The following CDC73 variants were observed in gnomAD, a reference collection of about 807,000 sequenced individuals.
CDC73 encodes the protein parafibromin.
CDC73 carries 21 observed loss-of-function variants against 83.7 expected under a neutral mutation model. That is an observed-to-expected ratio of 0.25 (90% confidence interval 0.18 to 0.36). CDC73 has a LOEUF of 0.36. Ranked by LOEUF, CDC73 falls within the 10% of genes least tolerant of loss-of-function variation. The pLI is 1.00. For missense variants in CDC73, 342 were observed against 653.3 expected (o/e 0.52, Z 5.19); for synonymous variants, 224 against 212.9 (o/e 1.05, Z -0.45).
chr1:193,182,921 T>A (rs1007258978), intron 10 of CDC73, among the ~76,000 whole-genome samples: 4 of 152,088 alleles, frequency 2.6e-5, no homozygotes, highest in Non-Finnish European at 4.4e-5. Flanking sequence ...GAAAATTACT[T>A]CTTTAAGCAA....
intron 13 of CDC73, among the ~76,000 whole-genome samples, chr1:193,217,132 T>C (rs114822465): frequency 0.044 from 6,626 of 152,186 alleles, 140 homozygotes; most frequent in African/African-American, 0.051. Context: ...TGTGGCTTGC[T>C]TCTTCAATAC....
chr1:193,245,285 C>A (rs910961355), intron 15 of CDC73, among the ~76,000 whole-genome samples: 9 of 152,184 alleles, frequency 5.9e-5, no homozygotes, highest in African/African-American at 2.2e-4. Context: ...ACCCCCTACT[C>A]TTCCCAGCCA....
At chr1:193,249,894 C>T (rs1678018984) in intron 16 of CDC73, 23 bp downstream of exon 16, 1 of 1,608,812 alleles carries the variant, frequency 6.2e-7, no homozygotes, top group Non-Finnish European at 8.5e-7. Flanking sequence ...CTAAAATATG[C>T]TTGTGTGTGT....
intron 10 of CDC73, among the ~76,000 whole-genome samples, chr1:193,191,848 A>T (rs1676924195): frequency 6.6e-6 from 1 of 152,166 alleles, no homozygotes; most frequent in South Asian, 2.1e-4. Context: ...TAAAGTAAAT[A>T]TAAAGGGCAT....
At chr1:193,218,460 G>C (rs916880551) in intron 13 of CDC73, among the ~76,000 whole-genome samples, 1 of 152,074 alleles carries the variant, frequency 6.6e-6, no homozygotes, top group African/African-American at 2.4e-5. Context: ...AATAGCCAAA[G>C]CATCCTAAGC....
intron 10 of CDC73, chr1:193,181,114 C>T (rs1290848102): frequency 6.2e-7 from 1 of 1,613,994 alleles, no homozygotes; most frequent in Non-Finnish European, 8.5e-7. Flanking sequence ...TAAAAAAGGA[C>T]TTTTCTCTTG....
At chr1:193,192,423 A>G (rs1352216856) in intron 10 of CDC73, among the ~76,000 whole-genome samples, 1 of 152,226 alleles carries the variant, frequency 6.6e-6, no homozygotes, top group East Asian at 1.9e-4. Context: ...AGCCTGGGCG[A>G]CAGAGTGAGA....
intron 10 of CDC73, among the ~76,000 whole-genome samples, chr1:193,199,125 A>C (rs1677048514): frequency 6.6e-6 from 1 of 152,182 alleles, no homozygotes; most frequent in African/African-American, 2.4e-5. Context: ...CATATACCTC[A>C]AGGTTATAAG....
At chr1:193,124,123 C>T (rs1675519914) in intron 1 of CDC73, among the ~76,000 whole-genome samples, 1 of 152,138 alleles carries the variant, frequency 6.6e-6, no homozygotes, top group Admixed American at 6.5e-5. Context: ...CCAGTGAAGC[C>T]AGTGAAAAAG....
intron 10 of CDC73, among the ~76,000 whole-genome samples, chr1:193,166,978 C>A (rs915094534): frequency 1.3e-5 from 2 of 152,038 alleles, no homozygotes; most frequent in African/African-American, 4.8e-5. Context: ...AATTGAAGTT[C>A]CAAGTTAGTG....
At chr1:193,136,487 TA>T in intron 5 of CDC73, 1 of 288,132 alleles carries the variant, frequency 3.5e-6, no homozygotes, top group Non-Finnish European at 8.1e-6. Context: ...TTATATGTAT[TA>T]ACTCATGTAA....
chr1:193,162,703 A>G lies in CDC73; in HGVS notation c.972+10259A>G, dbSNP rs553327244. On this transcript the variant is annotated intron_variant, in intron 10 of 16. Coordinates refer to ENST00000367435, the MANE Select transcript of CDC73 (RefSeq NM_024529.5). ...TTTTTACACATTACAATTAAAATTG[A>G]TTCAGTCTTTTATCATCCTCTACAG... Among the ~76,000 whole-genome samples the G allele has an allele frequency of 1.3e-5, 2 of 152,186 alleles. 1 individual carries two copies. Among genetic ancestry groups the G allele is most frequent in the African/African-American group, 4.8e-5 (2 of 41,534 alleles).
At chr1:193,206,743 T>G (rs1008121322) in intron 11 of CDC73, among the ~76,000 whole-genome samples, 2 of 152,310 alleles carry the variant, frequency 1.3e-5, no homozygotes, top group South Asian at 4.1e-4. Flanking sequence ...TCTCTTTGAG[T>G]GAGATACCTC....
At chr1:193,125,039 T>C (rs553714335) in intron 1 of CDC73, 73 bp from the exon 2 acceptor site, 16 of 808,252 alleles carry the variant, frequency 2.0e-5, no homozygotes, top group Non-Finnish European at 3.6e-5. Flanking sequence ...CAAAGTTGTT[T>C]ATATAAATGA....
Position 193,203,707 on chromosome 1 carries a change from G to A in CDC73, c.973-88G>A, listed in dbSNP as rs948262357. 2.5e-5 allele frequency: 26 copies of A among 1,045,842 alleles called. No individual in the cohort carries two copies. The African/African-American group carries it at 4.0e-4, about 16-fold the overall frequency. 64.8% of individuals were successfully genotyped at this position (1,045,842 alleles called of 1,614,324 possible). Reference sequence around the variant, plus strand: ...AGTGAGAAAAACAGAACAAGAGACAGAGAGATATGAGATTTCTTTGGAATA... The same window carrying A: ...AGTGAGAAAAACAGAACAAGAGACAAAGAGATATGAGATTTCTTTGGAATA... On this transcript the variant is annotated intron_variant, in intron 10 of 16. Coordinates refer to ENST00000367435, the MANE Select transcript of CDC73 (RefSeq NM_024529.5).
rs546833555 is a variant in CDC73 at position 193,126,804 on chromosome 1, A to G, written c.237+1587A>G. On this transcript the variant is annotated intron_variant, in intron 2 of 16. Coordinates refer to ENST00000367435, the MANE Select transcript of CDC73 (RefSeq NM_024529.5). ...AGTTCTTAAAACAATTTTTTAAAAT[A>G]TCACTGTGTCTGTCATCACTGGAGC... Among the ~76,000 whole-genome samples, 4 of 152,314 alleles carry G rather than the reference A, an allele frequency of 2.6e-5. No individual in the cohort carries two copies. The South Asian group carries it at 8.3e-4, about 32-fold the overall frequency.
At chr1:193,167,267 A>G (rs1470652054) in intron 10 of CDC73, among the ~76,000 whole-genome samples, 1 of 152,176 alleles carries the variant, frequency 6.6e-6, no homozygotes, top group African/African-American at 2.4e-5. Flanking sequence ...GTTGTACTTC[A>G]TTAGTGTTTT....
chr1:193,243,533 GT>G (rs1239361094), intron 15 of CDC73, among the ~76,000 whole-genome samples: 2 of 152,158 alleles, frequency 1.3e-5, no homozygotes, highest in Non-Finnish European at 2.9e-5. Context: ...TATGGCTTCA[GT>G]TTGATCATTT....
intron 13 of CDC73, among the ~76,000 whole-genome samples, chr1:193,222,273 G>C (rs1294022326): frequency 6.6e-6 from 1 of 152,156 alleles, no homozygotes; most frequent in Non-Finnish European, 1.5e-5. Flanking sequence ...AAGGAGCTCA[G>C]ACGCTATGTA....
Sources: gnomAD v4.1 joint callset for allele counts (sites outside exome capture counted in the v4.1 genomes callset) on GRCh38, gnomAD v4.1.1 for gene constraint, MANE v1.5 for transcripts, NCBI Gene and HGNC (gene_info 2026-07-23, HGNC 2026-07-21) for gene names.